ADAMTS3: variants seen among roughly 807,000 people sequenced by gnomAD.
The protein encoded by ADAMTS3 is A disintegrin and metalloproteinase with thrombospondin motifs 3.
Under a neutral mutation model 129.0 loss-of-function variants are expected in ADAMTS3, and 73 were observed. The observed-to-expected ratio is 0.57, with a 90% CI of 0.47 to 0.69. The LOEUF (loss-of-function observed/expected upper bound fraction) is 0.69, where lower values mean the gene tolerates loss of function less well. Ranked by LOEUF, ADAMTS3 falls within the 30% of genes least tolerant of loss-of-function variation. ADAMTS3 has a pLI of 0.00. For synonymous variants in ADAMTS3, 477 were observed against 510.8 expected (o/e 0.93, Z 0.89); for missense variants, 1,457 against 1,514.5 (o/e 0.96, Z 0.63).
At chr4:72,412,376 A>G (rs1393845076) in intron 4 of ADAMTS3, among the ~76,000 whole-genome samples, 2 of 152,026 alleles carry the variant, frequency 1.3e-5, no homozygotes, top group Non-Finnish European at 2.9e-5. Flanking sequence ...AATTTTTTTC[A>G]ATTTTAAATT....
chr4:72,452,815 T>A (rs539698535), intron 3 of ADAMTS3, among the ~76,000 whole-genome samples: 8 of 151,872 alleles, frequency 5.3e-5, no homozygotes, highest in African/African-American at 1.7e-4. Flanking sequence ...AAAACCACTA[T>A]CTTGGTTCTA....
At chr4:72,545,022 A>C (rs773232825) in intron 3 of ADAMTS3, among the ~76,000 whole-genome samples, 19 of 152,132 alleles carry the variant, frequency 1.2e-4, no homozygotes, top group Non-Finnish European at 2.6e-4. Context: ...ATAAACATGA[A>C]TGGTTTAATT....
At chr4:72,322,727 T>C (rs1307087867) in intron 6 of ADAMTS3, among the ~76,000 whole-genome samples, 1 of 152,180 alleles carries the variant, frequency 6.6e-6, no homozygotes, top group Non-Finnish European at 1.5e-5. Context: ...CTCCTCATAA[T>C]AGTATCCATT....
At position 72,429,322 on chromosome 4, in the gene ADAMTS3, G is replaced by A. The variant is rs1429356427; in HGVS notation, c.505-14351C>T. On this transcript the variant is annotated intron_variant, in intron 3 of 21. Transcript: ENST00000286657. ...TAGTAAGTCCTATATACATTTCACA[G>A]ATTTTTACAATTTTATAGAATAACT... 2.0e-5 allele frequency among the ~76,000 whole-genome samples: 3 copies of A among 151,952 alleles called. No homozygotes were observed. In the South Asian group the frequency reaches 6.2e-4, roughly 31 times the overall value.
chr4:72,359,778 C>A (rs1037047807), intron 4 of ADAMTS3, among the ~76,000 whole-genome samples: 1 of 152,028 alleles, frequency 6.6e-6, no homozygotes, highest in Non-Finnish European at 1.5e-5. Context: ...AACCTGAATA[C>A]ACATTACCAT....
intron 3 of ADAMTS3, among the ~76,000 whole-genome samples, chr4:72,530,738 ATATATAT>A (rs71655713): frequency 0.35 from 27,016 of 77,982 alleles, 4,867 homozygotes; most frequent in East Asian, 0.48. Flanking sequence ...ATTATATATT[ATATATAT>A]TATATATTAT....
intron 3 of ADAMTS3, among the ~76,000 whole-genome samples, chr4:72,538,042 C>G (rs1420802387): frequency 6.6e-6 from 1 of 151,964 alleles, no homozygotes; most frequent in Admixed American, 6.5e-5. Flanking sequence ...TTTGAGCAGG[C>G]AGAAAAATTA....
intron 17 of ADAMTS3, among the ~76,000 whole-genome samples, chr4:72,299,691 CATG>C (rs1718902845): frequency 1.3e-5 from 2 of 152,062 alleles, no homozygotes; most frequent in Admixed American, 6.6e-5. Flanking sequence ...GGAAAAATAT[CATG>C]ATTTTAGTTG....
chr4:72,509,155 T>C (rs1720244072), intron 3 of ADAMTS3, among the ~76,000 whole-genome samples: 1 of 151,574 alleles, frequency 6.6e-6, no homozygotes, highest in Non-Finnish European at 1.5e-5. Context: ...TAGCTATAAG[T>C]GTCTACATCA....
At chr4:72,362,442 T>C (rs1720753668) in intron 4 of ADAMTS3, among the ~76,000 whole-genome samples, 1 of 152,164 alleles carries the variant, frequency 6.6e-6, no homozygotes, top group Non-Finnish European at 1.5e-5. Flanking sequence ...CATGGTATCA[T>C]GGGAAATTTA....
chr4:72,456,761 A>G (rs150231265), intron 3 of ADAMTS3, among the ~76,000 whole-genome samples: 52 of 151,562 alleles, frequency 3.4e-4, no homozygotes, highest in African/African-American at 1.2e-3. Context: ...ACAGAATGGT[A>G]GGCTCCTCTT....
At chr4:72,354,186 A>C (rs746275665) in intron 4 of ADAMTS3, among the ~76,000 whole-genome samples, 2 of 152,110 alleles carry the variant, frequency 1.3e-5, no homozygotes, top group Non-Finnish European at 1.5e-5. Context: ...GTTTAGATAA[A>C]ATATTCCTAG....
chr4:72,464,915 G>A (rs902719766), intron 3 of ADAMTS3, among the ~76,000 whole-genome samples: 10 of 151,930 alleles, frequency 6.6e-5, no homozygotes, highest in African/African-American at 1.2e-4. Flanking sequence ...TCACAGGAGC[G>A]GCAGTAGTCT....
rs77985466 is a variant in ADAMTS3, at chr4:72,412,062, C to A, written c.661+2753G>T. On this transcript the variant is annotated intron_variant, in intron 4 of 21. Transcript: ENST00000286657. ...GCTAGCCAATTACTGTGACAACTAG[C>A]AAAATAGGGCAGAATATTACATGGG... 2.5e-3 allele frequency among the ~76,000 whole-genome samples: 382 copies of A among 152,140 alleles called. 4 individuals carry two copies. In the East Asian group the frequency reaches 0.041, roughly 16 times the overall value.
chr4:72,501,176 C>T (rs776654909), intron 3 of ADAMTS3, among the ~76,000 whole-genome samples: 4 of 151,982 alleles, frequency 2.6e-5, no homozygotes, highest in Admixed American at 6.6e-5. Context: ...TGAGAGGACT[C>T]GCAATGTGTC....
intron 4 of ADAMTS3, among the ~76,000 whole-genome samples, chr4:72,354,545 C>T (rs771031722): frequency 2.0e-5 from 3 of 151,914 alleles, no homozygotes; most frequent in South Asian, 2.1e-4. Flanking sequence ...CACTTTAAGG[C>T]CCTTTGCTTT....
chr4:72,298,765 T>G (rs1284475337), intron 17 of ADAMTS3, among the ~76,000 whole-genome samples: 3 of 151,784 alleles, frequency 2.0e-5, no homozygotes, highest in African/African-American at 7.2e-5. Flanking sequence ...TAAAGGATTT[T>G]AACTTTTAAG....
At chr4:72,486,557 T>A (rs1719596510) in intron 3 of ADAMTS3, among the ~76,000 whole-genome samples, 1 of 152,212 alleles carries the variant, frequency 6.6e-6, no homozygotes, top group Non-Finnish European at 1.5e-5. Flanking sequence ...ATGGATTCTA[T>A]TTTTAGAGTG....
At chr4:72,338,855 C>T (rs889116789) in intron 5 of ADAMTS3, among the ~76,000 whole-genome samples, 1 of 152,030 alleles carries the variant, frequency 6.6e-6, no homozygotes, top group Non-Finnish European at 1.5e-5. Flanking sequence ...AGAAAGAACA[C>T]AAGTTTCAGG....
Sources: gnomAD v4.1 joint callset for allele counts (sites outside exome capture counted in the v4.1 genomes callset) on GRCh38, gnomAD v4.1.1 for gene constraint, MANE v1.5 for transcripts, NCBI Gene and HGNC (gene_info 2026-07-23, HGNC 2026-07-21) for gene names.